Variants in OR52N4 observed in about 807,000 individuals in gnomAD.
OR52N4 encodes olfactory receptor 52N4.
Under a neutral mutation model 15.0 loss-of-function variants are expected in OR52N4, and 15 were observed. That is an observed-to-expected ratio of 1.00 (90% confidence interval 0.67 to 1.54). The LOEUF (loss-of-function observed/expected upper bound fraction) is 1.54, where lower values mean the gene tolerates loss of function less well. OR52N4 is among the 40% of genes most tolerant of loss of function. The probability of loss-of-function intolerance (pLI) is 0.00; values close to 1 mark genes in which losing one functional copy is unlikely to be tolerated. For missense variants in OR52N4, 421 were observed against 394.0 expected, an observed-to-expected ratio of 1.07 and a Z score of -0.58; for synonymous variants, 143 against 143.7, an observed-to-expected ratio of 1.00 and a Z score of 0.03.
At chr11:5,745,711 G>T in the OR52N4 span, among the ~76,000 whole-genome samples, 1 of 151,866 alleles carries the variant, frequency 6.6e-6, no homozygotes, top group East Asian at 1.9e-4. Flanking sequence ...AAATTCACAT[G>T]GAACCAAAAA....
the OR52N4 span, among the ~76,000 whole-genome samples, chr11:5,730,693 T>C: frequency 1.3e-5 from 2 of 151,570 alleles, no homozygotes; most frequent in East Asian, 1.9e-4. Context: ...GATCCATCTT[T>C]GGCTAACTTC....
the OR52N4 span, among the ~76,000 whole-genome samples, chr11:5,748,978 G>T: frequency 1.3e-5 from 2 of 152,024 alleles, no homozygotes; most frequent in Middle Eastern, 3.4e-3. Flanking sequence ...TCCCATAGAG[G>T]TTATCTTGAT....
In OR52N4 at chr11:5,755,381, T is replaced by C. The variant is rs775853399; in HGVS notation, c.641T>C (p.Leu214Pro). 2 of 1,614,098 alleles carry C rather than the reference T, an allele frequency of 1.2e-6. No individual in the cohort carries two copies. The highest frequency in any genetic ancestry group is 1.1e-5 in the South Asian group (1 of 91,084). Residue 214 changes from leucine to proline, a missense_variant, in exon 2 of 2, where the codon CTG becomes CCG. Physicochemically the swap from Leu to Pro is moderately conservative, Grantham distance 98. Coordinates refer to ENST00000641350, the MANE Select transcript of OR52N4 (RefSeq NM_001005175.5). Reference protein sequence around the residue: ...VALLIWGFDILCITNSYTMIL... With the variant: ...VALLIWGFDIPCITNSYTMIL... ...CTCCTGATTTGGGGCTTTGACATAC[T>C]GTGTATCACCAACTCCTATACCATG...
chr11:5,735,536 T>C, the OR52N4 span, among the ~76,000 whole-genome samples: 1 of 151,988 alleles, frequency 6.6e-6, no homozygotes, highest in African/African-American at 2.4e-5. Context: ...TCCAGGCAGG[T>C]TGCAGAAAGC....
chr11:5,732,232 T>C, the OR52N4 span, among the ~76,000 whole-genome samples: 2 of 152,182 alleles, frequency 1.3e-5, no homozygotes, highest in African/African-American at 4.8e-5. Flanking sequence ...GTAACCACCA[T>C]TCTACTTTCT....
chr11:5,748,512 A>AT, the OR52N4 span, among the ~76,000 whole-genome samples: 1 of 151,802 alleles, frequency 6.6e-6, no homozygotes, highest in Non-Finnish European at 1.5e-5. Context: ...TTTTGATTAC[A>AT]TTTTAGAACA....
the OR52N4 span, among the ~76,000 whole-genome samples, chr11:5,749,158 T>G: frequency 0.36 from 54,055 of 151,718 alleles, 9,959 homozygotes; most frequent in East Asian, 0.5. Context: ...TGACCAAGAT[T>G]GTTAACACCT....
At chr11:5,742,087 C>A in the OR52N4 span, among the ~76,000 whole-genome samples, 1 of 149,850 alleles carries the variant, frequency 6.7e-6, no homozygotes, top group Non-Finnish European at 1.5e-5. Flanking sequence ...TTAAATTAAC[C>A]TAGAAGAAAG....
At chr11:5,731,714 A>C in the OR52N4 span, among the ~76,000 whole-genome samples, 2 of 152,170 alleles carry the variant, frequency 1.3e-5, no homozygotes, top group Non-Finnish European at 2.9e-5. Flanking sequence ...CATGTGAGCC[A>C]TGGAAAGTGG....
the OR52N4 span, chr11:5,736,843 G>C: frequency 2.5e-6 from 4 of 1,613,870 alleles, no homozygotes; most frequent in African/African-American, 4.0e-5. Flanking sequence ...GCTTTGCTCA[G>C]ATTTATGCCA....
chr11:5,755,597 T>A lies in OR52N4; in HGVS notation c.857T>A (p.Leu286Gln). ...ATTGTAGCCAATATTTATCTGCTCC[T>A]ACCACCCACTATGAACCCTATTGTC... ...HIIVANIYLL[L>Q]PPTMNPIVYG... Residue 286 changes from leucine (L) to glutamine (Q), a missense_variant, in exon 2 of 2, where the codon CTA becomes CAA. Transcript: ENST00000641350. 6.2e-7 allele frequency: 1 copy of A among 1,613,904 alleles called. No individual in the cohort carries two copies. The highest frequency in any genetic ancestry group is 8.5e-7 in the Non-Finnish European group (1 of 1,179,828).
the OR52N4 span, chr11:5,726,823 T>C: frequency 0.018 from 2,780 of 155,698 alleles, 83 homozygotes; most frequent in African/African-American, 0.062. Context: ...TCTTCATTCA[T>C]GCCTTCTGCA....
At chr11:5,727,444 G>T in the OR52N4 span, 1 of 152,192 alleles carries the variant, frequency 6.6e-6, no homozygotes, top group Non-Finnish European at 1.5e-5. Context: ...GCAGGAAATG[G>T]GCATCAAGGC....
chr11:5,730,297 T>C, the OR52N4 span, among the ~76,000 whole-genome samples: 2 of 151,482 alleles, frequency 1.3e-5, no homozygotes, highest in East Asian at 3.9e-4. Flanking sequence ...GTTCATGCCA[T>C]TCTCCTGCCT....
chr11:5,750,447 T>A (rs937262215), upstream of OR52N4, among the ~76,000 whole-genome samples: 1 of 137,430 alleles, frequency 7.3e-6, no homozygotes, highest in Admixed American at 7.5e-5. Flanking sequence ...TACAAAGCAA[T>A]GTATAGCCCA....
the OR52N4 span, among the ~76,000 whole-genome samples, chr11:5,731,221 G>A: frequency 1.3e-5 from 2 of 152,178 alleles, no homozygotes; most frequent in East Asian, 3.9e-4. Flanking sequence ...AGGAATTACT[G>A]CTCTATTACT....
At chr11:5,742,765 T>C in the OR52N4 span, among the ~76,000 whole-genome samples, 1 of 152,108 alleles carries the variant, frequency 6.6e-6, no homozygotes, top group South Asian at 2.1e-4. Context: ...AAAAGGGTGA[T>C]ACTTGCGACA....
chr11:5,755,240 T>A lies in OR52N4; in HGVS notation c.500T>A (p.Leu167His), dbSNP rs7394584. 2.7e-5 allele frequency: 44 copies of A among 1,613,954 alleles called. No homozygotes were observed. Among genetic ancestry groups the A allele is most frequent in the Admixed American group, 2.7e-4 (16 of 59,988 alleles). Residue 167 changes from leucine (L) to histidine (H), a missense_variant, in exon 2 of 2, where the codon CTC becomes CAC. Physicochemically the swap from Leu to His is moderately conservative, Grantham distance 99 (BLOSUM62 -3). Coordinates refer to ENST00000641350, the MANE Select transcript of OR52N4 (RefSeq NM_001005175.5). ...LIIPFTFLTK[L>H]LPYCRGNILP... ...ATTCCCTTTACTTTCCTCACCAAGC[T>A]CCTGCCCTACTGCAGAGGCAATATA... is the stretch of plus-strand genomic sequence containing the variant.
chr11:5,751,295 C>T (rs2134211460), upstream of OR52N4, among the ~76,000 whole-genome samples: 1 of 151,954 alleles, frequency 6.6e-6, no homozygotes, highest in East Asian at 1.9e-4. Flanking sequence ...ATTATTTCAA[C>T]TTGATGGGAA....
Sources: allele counts gnomAD v4.1 joint callset (sites outside exome capture counted in the v4.1 genomes callset), GRCh38; gene constraint gnomAD v4.1.1; transcripts MANE v1.5; gene names NCBI Gene and HGNC (gene_info 2026-07-23, HGNC 2026-07-21).